FAM120B: variants seen among roughly 807,000 people sequenced by gnomAD.
FAM120B encodes constitutive coactivator of peroxisome proliferator-activated receptor gamma.
Under a neutral mutation model 96.3 loss-of-function variants are expected in FAM120B, and 83 were observed. The ratio of observed to expected loss-of-function variants is 0.86; its 90% CI spans 0.72 to 1.03. The LOEUF (loss-of-function observed/expected upper bound fraction) is 1.03, where lower values mean the gene tolerates loss of function less well. Ranked by LOEUF, FAM120B falls within the 50% of genes least tolerant of loss-of-function variation. FAM120B has a pLI of 0.00. For synonymous variants in FAM120B, 407 were observed against 402.7 expected (o/e 1.01, Z -0.13); for missense variants, 1,027 against 1,121.2 (o/e 0.92, Z 1.20).
upstream of FAM120B, chr6:170,290,884 TGCCCTCG>T (rs1783847558): frequency 4.4e-6 from 3 of 685,442 alleles, no homozygotes; most frequent in East Asian, 8.2e-5. This position sits in a 1 kb window ranked among gnomAD's most constrained non-coding sequence, Gnocchi z 4.7. Context: ...CCCTGCGCTC[TGCCCTCG>T]GCCGGGTCGG....
intron 5 of FAM120B, among the ~76,000 whole-genome samples, chr6:170,355,481 T>C (rs76208811): frequency 3.3e-5 from 5 of 152,042 alleles, no homozygotes; most frequent in East Asian, 3.9e-4. Context: ...AAACCAAATA[T>C]TGCATGTTCT....
chr6:170,381,581 A>G (rs1583296898), intron 6 of FAM120B, among the ~76,000 whole-genome samples: 1 of 152,288 alleles, frequency 6.6e-6, no homozygotes, highest in East Asian at 1.9e-4. Context: ...CAAAATAGAA[A>G]ACTACAGGCC....
intron 9 of FAM120B, among the ~76,000 whole-genome samples, chr6:170,400,821 G>A (rs2115345336): frequency 6.6e-6 from 1 of 152,312 alleles, no homozygotes; most frequent in East Asian, 1.9e-4. Context: ...CATCACCAAA[G>A]CCTGCAGGTG....
At chr6:170,310,936 T>C (rs1784556261) in intron 1 of FAM120B, among the ~76,000 whole-genome samples, 1 of 152,136 alleles carries the variant, frequency 6.6e-6, no homozygotes, top group African/African-American at 2.4e-5. Flanking sequence ...CCTGAATGAG[T>C]ATTTATGAGT....
At position 170,334,394 on chromosome 6, in the gene FAM120B, A is replaced by G. The variant is rs187589758; in HGVS notation, c.2017+3844A>G. 1.3e-3 allele frequency among the ~76,000 whole-genome samples: 200 copies of G among 152,364 alleles called. 1 individual carries two copies. Among genetic ancestry groups the G allele is most frequent in the African/African-American group, 4.5e-3 (188 of 41,586 alleles). The stretch of plus-strand genomic sequence containing the variant: ...AAAAAAGGACCATGTATTTGATTCA[A>G]TCTGTCATTTGCTATCAAACAGTTG... On this transcript the variant is annotated intron_variant, in intron 4 of 10. Coordinates refer to ENST00000476287, the MANE Select transcript of FAM120B (RefSeq NM_032448.3).
intron 1 of FAM120B, among the ~76,000 whole-genome samples, chr6:170,311,799 G>A (rs896620381): frequency 6.6e-6 from 1 of 152,196 alleles, no homozygotes; most frequent in Non-Finnish European, 1.5e-5. Flanking sequence ...AAATTACCTG[G>A]TATTGTTGAA....
chr6:170,326,544 T>C (rs933674499), intron 3 of FAM120B, among the ~76,000 whole-genome samples: 1 of 152,206 alleles, frequency 6.6e-6, no homozygotes, highest in Non-Finnish European at 1.5e-5. Context: ...TGGCACACTT[T>C]TTCTGTGAAG....
chr6:170,345,908 A>T (rs4710717), intron 4 of FAM120B, among the ~76,000 whole-genome samples: 1 of 152,100 alleles, frequency 6.6e-6, no homozygotes, highest in Admixed American at 6.5e-5. Flanking sequence ...TGATTCTCTC[A>T]TGAGAACATC....
At chr6:170,384,639 A>C (rs2115299935) in intron 6 of FAM120B, among the ~76,000 whole-genome samples, 1 of 152,354 alleles carries the variant, frequency 6.6e-6, no homozygotes, top group South Asian at 2.1e-4. Flanking sequence ...GATGCATCAG[A>C]TGAAAACTGA....
intron 5 of FAM120B, among the ~76,000 whole-genome samples, chr6:170,353,496 C>T (rs1009875071): frequency 3.9e-5 from 6 of 152,040 alleles, no homozygotes; most frequent in African/African-American, 1.4e-4. Context: ...ATGCAAAAAT[C>T]CTCACTAAAA....
At chr6:170,404,163 G>A (rs1778715848) in intron 9 of FAM120B, 1 of 180,668 alleles carries the variant, frequency 5.5e-6, no homozygotes, top group African/African-American at 2.3e-5. Flanking sequence ...CACCCAGGCT[G>A]GGCCAGCCGC....
At chr6:170,338,008 G>C (rs1045597385) in intron 4 of FAM120B, among the ~76,000 whole-genome samples, 2 of 151,190 alleles carry the variant, frequency 1.3e-5, no homozygotes, top group African/African-American at 4.9e-5. Context: ...TTTTTTGAAG[G>C]GTTTTTCATG....
intron 6 of FAM120B, among the ~76,000 whole-genome samples, chr6:170,368,678 A>C (rs937942042): frequency 3.9e-5 from 6 of 152,268 alleles, no homozygotes; most frequent in African/African-American, 1.4e-4. Context: ...ATGAATGAAT[A>C]GTAGATGTAC....
At chr6:170,395,913 G>T (rs76374846) in intron 9 of FAM120B, among the ~76,000 whole-genome samples, 2,359 of 152,256 alleles carry the variant, frequency 0.015, 77 homozygotes, top group African/African-American at 0.054. Context: ...AAAAGGACAG[G>T]TTATAGTGTT....
In FAM120B at chr6:170,317,388, G is replaced by C; in HGVS notation, c.-3G>C. 1 of 1,601,732 alleles carries C rather than the reference G, an allele frequency of 6.2e-7. No individual in the cohort carries two copies. The highest frequency in any genetic ancestry group is 8.5e-7 in the Non-Finnish European group (1 of 1,169,690). ...TTTCCAGATCCTTTCCCGGAGTTCA[G>C]TTATGGGTGTGAGAGGTTTGCAAGG... On this transcript the variant is annotated 5_prime_UTR_variant, in exon 2 of 11. Transcript: ENST00000476287.
chr6:170,380,186 C>CT (rs915102345), intron 6 of FAM120B, among the ~76,000 whole-genome samples: 155 of 148,676 alleles, frequency 1.0e-3, no homozygotes, highest in Non-Finnish European at 4.2e-4. Context: ...GATTTTTTTT[C>CT]TTTTTTTTTT....
At chr6:170,361,650 G>C (rs1390895406) in intron 6 of FAM120B, among the ~76,000 whole-genome samples, 1 of 152,136 alleles carries the variant, frequency 6.6e-6, no homozygotes, top group Non-Finnish European at 1.5e-5. Context: ...CTTTCAGTGT[G>C]AGCTTCTAGT....
chr6:170,290,904 CTCCG>C (rs1281960175), upstream of FAM120B: 2 of 693,844 alleles, frequency 2.9e-6, no homozygotes, highest in Non-Finnish European at 5.3e-6. The surrounding 1 kb of genome is among the most constrained non-coding windows in gnomAD (Gnocchi z 4.7). Context: ...CGGGTCGGGT[CTCCG>C]CGGGTGCGCG....
chr6:170,294,711 G>C (rs1433933844), upstream of FAM120B, among the ~76,000 whole-genome samples: 2 of 152,158 alleles, frequency 1.3e-5, no homozygotes, highest in Non-Finnish European at 2.9e-5. The surrounding 1 kb of genome is among the most constrained non-coding windows in gnomAD (Gnocchi z 7.9). Flanking sequence ...TGACTGTGGT[G>C]GGGGCAGGAG....
Sources: allele counts gnomAD v4.1 joint callset (sites outside exome capture counted in the v4.1 genomes callset), GRCh38; gene constraint gnomAD v4.1.1; non-coding constraint Gnocchi (gnomAD v3.1); transcripts MANE v1.5; gene names NCBI Gene and HGNC (gene_info 2026-07-23, HGNC 2026-07-21).